The following RUNDC3B variants were observed in gnomAD, a reference collection of about 807,000 sequenced individuals.
RUNDC3B encodes the protein RUN domain-containing protein 3B.
RUNDC3B carries 33 observed loss-of-function variants against 58.4 expected under a neutral mutation model. The ratio of observed to expected loss-of-function variants is 0.56; its 90% CI spans 0.43 to 0.75. The LOEUF (loss-of-function observed/expected upper bound fraction) is 0.75, where lower values mean the gene tolerates loss of function less well. RUNDC3B is among the 30% of genes least tolerant of loss of function. The pLI is 0.00. For synonymous variants in RUNDC3B, 193 were observed against 195.2 expected (o/e 0.99, Z 0.10); for missense variants, 501 against 535.7 (o/e 0.94, Z 0.64).
intron 1 of RUNDC3B, among the ~76,000 whole-genome samples, chr7:87,643,816 C>A (rs572734596): frequency 4.1e-4 from 62 of 152,184 alleles, no homozygotes; most frequent in African/African-American, 1.4e-3. Flanking sequence ...CGTGAGCCAC[C>A]ACGCCCGGCC....
rs879688880 is a variant in RUNDC3B, at chr7:87,628,592, T to C, written c.-232T>C. 7,028 of 95,068 alleles carry C rather than the reference T, an allele frequency of 0.074. 49 individuals carry two copies. The highest frequency in any genetic ancestry group is 0.08 in the Non-Finnish European group (3,641 of 45,480). 5.9% of individuals were successfully genotyped at this position (95,068 alleles called of 1,614,324 possible). ...GAGGTGGTGCGTGCGTGCGTGTGTG[T>C]GTGTGTGTGTGTGTGTGTGTGTGTG... On this transcript the variant is annotated 5_prime_UTR_variant, in exon 1 of 11. Transcript: ENST00000394654.
At chr7:87,736,889 ATTTTTTT>A (rs869109911) in intron 4 of RUNDC3B, among the ~76,000 whole-genome samples, 190 of 28,126 alleles carry the variant, frequency 6.8e-3, no homozygotes, top group Non-Finnish European at 9.2e-3. Flanking sequence ...ATATATATAT[ATTTTTTT>A]TTTTTTTTTT....
intron 2 of RUNDC3B, among the ~76,000 whole-genome samples, chr7:87,689,679 G>A (rs533162379): frequency 5.3e-5 from 8 of 152,040 alleles, no homozygotes; most frequent in Non-Finnish European, 1.2e-4. Context: ...GTTCATTTTA[G>A]GAGGGTATCA....
intron 5 of RUNDC3B, among the ~76,000 whole-genome samples, chr7:87,741,129 C>T (rs1425035186): frequency 6.6e-6 from 1 of 151,116 alleles, no homozygotes; most frequent in Non-Finnish European, 1.5e-5. Flanking sequence ...CGCTGGAACC[C>T]GGGAGGCAGA....
intron 6 of RUNDC3B, among the ~76,000 whole-genome samples, chr7:87,762,582 T>C (rs1351532646): frequency 1.3e-5 from 2 of 151,518 alleles, no homozygotes; most frequent in Non-Finnish European, 3.0e-5. Flanking sequence ...GATATTAAGA[T>C]TCCCACCAGT....
chr7:87,761,573 G>A (rs940806009), intron 6 of RUNDC3B, among the ~76,000 whole-genome samples: 1 of 151,870 alleles, frequency 6.6e-6, no homozygotes, highest in Non-Finnish European at 1.5e-5. Flanking sequence ...CAATGCAAGT[G>A]TTCACCAGTT....
chr7:87,794,430 T>C (rs949613022), intron 8 of RUNDC3B, among the ~76,000 whole-genome samples: 4 of 151,890 alleles, frequency 2.6e-5, no homozygotes, highest in African/African-American at 9.7e-5. Flanking sequence ...CCAGACTCTG[T>C]CTAAAAAACA....
chr7:87,766,119 C>T (rs991596467), intron 6 of RUNDC3B, among the ~76,000 whole-genome samples: 2 of 151,998 alleles, frequency 1.3e-5, no homozygotes, highest in African/African-American at 4.8e-5. Flanking sequence ...TACTCTTGAT[C>T]GTTTTGTTTT....
intron 4 of RUNDC3B, among the ~76,000 whole-genome samples, chr7:87,721,615 A>C (rs1002360957): frequency 3.3e-5 from 5 of 152,184 alleles, no homozygotes; most frequent in African/African-American, 1.2e-4. Context: ...CACACTTTTA[A>C]ACAAATATTA....
chr7:87,728,474 CAGCAGTTCCTCT>C (rs993192635), intron 4 of RUNDC3B, among the ~76,000 whole-genome samples: 4 of 152,178 alleles, frequency 2.6e-5, no homozygotes, highest in African/African-American at 9.6e-5. Context: ...GTCAGCAGGA[CAGCAGTTCCTCT>C]TGAGATTCTA....
At chr7:87,683,629 G>A (rs1178712902) in intron 2 of RUNDC3B, among the ~76,000 whole-genome samples, 1 of 152,130 alleles carries the variant, frequency 6.6e-6, no homozygotes, top group East Asian at 1.9e-4. Flanking sequence ...ATTTTATACA[G>A]GTGTGGTTCA....
At chr7:87,673,474 T>C (rs145415674) in intron 2 of RUNDC3B, among the ~76,000 whole-genome samples, 12 of 152,356 alleles carry the variant, frequency 7.9e-5, no homozygotes, top group Non-Finnish European at 1.8e-4. Context: ...TCTTCAAGCA[T>C]TGAGATTCTT....
chr7:87,671,126 TG>T (rs1434868984), intron 2 of RUNDC3B, among the ~76,000 whole-genome samples: 2 of 152,194 alleles, frequency 1.3e-5, no homozygotes, highest in African/African-American at 4.8e-5. Flanking sequence ...ATGGAGGGTC[TG>T]TACTGTGGCC....
At chr7:87,789,289 G>C (rs1835400333) in intron 8 of RUNDC3B, among the ~76,000 whole-genome samples, 1 of 152,116 alleles carries the variant, frequency 6.6e-6, no homozygotes, top group African/African-American at 2.4e-5. Context: ...GTCCTATATG[G>C]TTTCCTAGTA....
chr7:87,764,468 A>G (rs972121730), intron 6 of RUNDC3B, among the ~76,000 whole-genome samples: 1 of 151,788 alleles, frequency 6.6e-6, no homozygotes. Context: ...AGTTGGATAT[A>G]TTGCTTAATG....
intron 2 of RUNDC3B, among the ~76,000 whole-genome samples, chr7:87,665,885 T>C (rs866965303): frequency 6.6e-6 from 1 of 152,280 alleles, no homozygotes; most frequent in South Asian, 2.1e-4. Context: ...TTCTTTTTTA[T>C]AGCTGTATAG....
In RUNDC3B at chr7:87,628,752, G is replaced by C. The variant is rs1261481539; in HGVS notation, c.-72G>C. ...GCCCCCACGGTTGCGGACCGAGCGA[G>C]AACCCCCTTAAGCAGGTGTGGGGGG... is the stretch of plus-strand genomic sequence containing the variant. On this transcript the variant is annotated 5_prime_UTR_variant, in exon 1 of 11. Transcript: ENST00000394654. 1 of 966,998 alleles carries C rather than the reference G, an allele frequency of 1.0e-6. No individual in the cohort carries two copies. The highest frequency in any genetic ancestry group is 1.4e-6 in the Non-Finnish European group (1 of 734,616). The allele number at this position is 966,998 out of a possible 1,614,324, so 59.9% of individuals were successfully genotyped here.
rs551235415 is a variant in RUNDC3B, at chr7:87,817,406, T to G, written c.1225+1144T>G. 7.9e-5 allele frequency among the ~76,000 whole-genome samples: 12 copies of G among 152,302 alleles called. 1 individual carries two copies. Among genetic ancestry groups the G allele is most frequent in the African/African-American group, 2.9e-4 (12 of 41,570 alleles). On this transcript the variant is annotated intron_variant, in intron 10 of 10. Coordinates refer to ENST00000394654, the MANE Select transcript of RUNDC3B (RefSeq NM_001134405.2). Reference sequence around the variant, plus strand: ...CTTCAGACTCTCCAATGGCTTTCAATGGCAATTAGAATAAAATCCAAACTG... The same window carrying G: ...CTTCAGACTCTCCAATGGCTTTCAAGGGCAATTAGAATAAAATCCAAACTG...
intron 6 of RUNDC3B, among the ~76,000 whole-genome samples, chr7:87,753,650 A>G (rs1833168982): frequency 6.6e-6 from 1 of 152,194 alleles, no homozygotes; most frequent in Non-Finnish European, 1.5e-5. Flanking sequence ...GTAGTTGGCC[A>G]ACAATAGTAG....
Sources: allele counts gnomAD v4.1 joint callset (sites outside exome capture counted in the v4.1 genomes callset), GRCh38; gene constraint gnomAD v4.1.1; transcripts MANE v1.5; gene names NCBI Gene and HGNC (gene_info 2026-07-23, HGNC 2026-07-21).